TMEM117: variants seen among roughly 807,000 people sequenced by gnomAD.
TMEM117 encodes the protein transmembrane protein 117.
A neutral mutation model predicts 52.4 loss-of-function variants in TMEM117; 27 were observed. That is an observed-to-expected ratio of 0.51 (90% CI 0.38 to 0.71). The LOEUF is 0.71. TMEM117 is among the 30% of genes least tolerant of loss of function. The pLI, the probability that TMEM117 is intolerant of heterozygous loss-of-function variation, is 0.00. For synonymous variants in TMEM117, 215 were observed against 206.3 expected (o/e 1.04, Z -0.36); for missense variants, 556 against 630.5 (o/e 0.88, Z 1.26).
At chr12:43,970,451 G>A (rs1350793928) in intron 3 of TMEM117, among the ~76,000 whole-genome samples, 1 of 151,870 alleles carries the variant, frequency 6.6e-6, no homozygotes, top group Non-Finnish European at 1.5e-5. Context: ...ACCACACCTG[G>A]CTAATACTTT....
chr12:44,362,502 G>A (rs1951734086), intron 6 of TMEM117, among the ~76,000 whole-genome samples: 1 of 151,970 alleles, frequency 6.6e-6, no homozygotes, highest in Non-Finnish European at 1.5e-5. Context: ...TTAGTAGGGG[G>A]ACTGACACAA....
chr12:43,954,789 A>G (rs1424125052), intron 3 of TMEM117, among the ~76,000 whole-genome samples: 1 of 152,246 alleles, frequency 6.6e-6, no homozygotes, highest in Non-Finnish European at 1.5e-5. Flanking sequence ...TTATGAGGCC[A>G]GCATCATCCT....
chr12:44,041,245 T>TC (rs1946793557), intron 3 of TMEM117, among the ~76,000 whole-genome samples: 1 of 66,168 alleles, frequency 1.5e-5, no homozygotes, highest in South Asian at 6.2e-4. Context: ...CCCTCCCCCC[T>TC]CCCCCCACCC....
intron 2 of TMEM117, among the ~76,000 whole-genome samples, chr12:43,860,127 AC>A (rs1407062567): frequency 6.6e-6 from 1 of 152,126 alleles, no homozygotes; most frequent in Non-Finnish European, 1.5e-5. Context: ...GCACCCATCA[AC>A]CCATCACCTA....
intron 5 of TMEM117, among the ~76,000 whole-genome samples, chr12:44,261,256 C>T (rs1268198767): frequency 6.6e-6 from 1 of 151,758 alleles, no homozygotes; most frequent in African/African-American, 2.4e-5. Context: ...GATGAAGAAG[C>T]TAAGGCTCAG....
chr12:43,816,823 T>A, the TMEM117 span, among the ~76,000 whole-genome samples: 2 of 152,194 alleles, frequency 1.3e-5, no homozygotes, highest in African/African-American at 4.8e-5. Flanking sequence ...ACCCAAACTA[T>A]AATATGATGC....
chr12:44,347,579 A>G (rs1951504937), intron 6 of TMEM117, among the ~76,000 whole-genome samples: 1 of 152,082 alleles, frequency 6.6e-6, no homozygotes, highest in Non-Finnish European at 1.5e-5. Context: ...AAGATCATTT[A>G]TGAATTTTCT....
chr12:44,013,253 C>G (rs1262111413), intron 3 of TMEM117, among the ~76,000 whole-genome samples: 1 of 152,150 alleles, frequency 6.6e-6, no homozygotes, highest in Admixed American at 6.5e-5. Flanking sequence ...TGGTCTCGAA[C>G]TCCTGAGGTC....
intron 5 of TMEM117, among the ~76,000 whole-genome samples, chr12:44,273,291 A>G (rs1950472092): frequency 2.0e-5 from 3 of 152,160 alleles, no homozygotes; most frequent in African/African-American, 4.8e-5. Context: ...GGTGCAGCAC[A>G]CCAACATGGC....
chr12:44,236,800 C>T (rs750471872), intron 5 of TMEM117, among the ~76,000 whole-genome samples: 2 of 151,922 alleles, frequency 1.3e-5, no homozygotes, highest in African/African-American at 4.8e-5. Context: ...AATACAAGTT[C>T]AAGGCTTGAG....
In TMEM117 at chr12:44,389,044, A is replaced by T; in HGVS notation, c.*372A>T. The T allele has an allele frequency of 1.1e-5, 2 of 184,802 alleles. No homozygotes were observed. The highest frequency in any genetic ancestry group is 1.2e-5 in the Non-Finnish European group (1 of 86,206). The allele number at this position is 184,802 out of a possible 1,614,324, so 11.4% of individuals were successfully genotyped here. A position where few individuals can be genotyped will look rare whatever the true frequency, so the allele number is the denominator to read the frequency against. ...GAAGTGTGGAACAGTTACCTAACCT[A>T]TTTCACATGGGCGTTTTGTATACAA... On this transcript the variant is annotated 3_prime_UTR_variant, in exon 8 of 8. Transcript: ENST00000266534.
intron 2 of TMEM117, among the ~76,000 whole-genome samples, chr12:43,930,865 G>A (rs1293725962): frequency 6.6e-6 from 1 of 152,136 alleles, no homozygotes; most frequent in Admixed American, 6.5e-5. Flanking sequence ...TGGCCTCATT[G>A]CAGGAAGGAG....
intron 2 of TMEM117, among the ~76,000 whole-genome samples, chr12:43,900,199 T>G (rs7300018): frequency 6.6e-6 from 1 of 152,120 alleles, no homozygotes; most frequent in South Asian, 2.1e-4. Context: ...GCATATAGGG[T>G]TTTTTGGTTT....
At position 44,231,993 on chromosome 12, in the gene TMEM117, C is replaced by T. The variant is rs140864011; in HGVS notation, c.608+20606C>T. 2.0e-4 allele frequency among the ~76,000 whole-genome samples: 31 copies of T among 151,660 alleles called. 1 individual carries two copies. The East Asian group carries it at 5.8e-3, about 28-fold the overall frequency. ...GGTAAGTCATTAAACTTCTCCATGC[C>T]TCTTCTGTAAAAATGAGAATAGTAG... On this transcript the variant is annotated intron_variant, in intron 5 of 7. Coordinates refer to ENST00000266534, the MANE Select transcript of TMEM117 (RefSeq NM_032256.3).
At chr12:44,178,521 T>C (rs1422678637) in intron 4 of TMEM117, among the ~76,000 whole-genome samples, 1 of 152,216 alleles carries the variant, frequency 6.6e-6, no homozygotes, top group Non-Finnish European at 1.5e-5. Flanking sequence ...GATTGATATG[T>C]TAAACCTCAG....
rs187002866 is a variant in TMEM117 at position 44,311,341 on chromosome 12, A to G, written c.768+11602A>G. On this transcript the variant is annotated intron_variant, in intron 6 of 7. Transcript: ENST00000266534. The stretch of plus-strand genomic sequence containing the variant: ...ACAGCAGGAAATCAAGGAGGTACAT[A>G]TATCTCAGTTTTATAACAAAATAAA... Among the ~76,000 whole-genome samples the G allele has an allele frequency of 2.2e-3, 329 of 152,322 alleles. 1 individual carries two copies. The highest frequency in any genetic ancestry group is 3.7e-3 in the Non-Finnish European group (253 of 68,026).
chr12:44,132,682 G>C (rs1948433577), intron 3 of TMEM117, among the ~76,000 whole-genome samples: 1 of 152,046 alleles, frequency 6.6e-6, no homozygotes, highest in Non-Finnish European at 1.5e-5. Context: ...CTCATGTTCT[G>C]TCATTTCTTC....
intron 6 of TMEM117, among the ~76,000 whole-genome samples, chr12:44,308,316 T>C (rs531848345): frequency 6.6e-6 from 1 of 152,294 alleles, no homozygotes; most frequent in East Asian, 1.9e-4. Context: ...ATGAATGTGC[T>C]TTTTCTTATA....
At chr12:44,190,831 A>AT (rs1041913155) in intron 4 of TMEM117, among the ~76,000 whole-genome samples, 20 of 150,530 alleles carry the variant, frequency 1.3e-4, no homozygotes, top group African/African-American at 4.4e-4. Flanking sequence ...GTTTTACTTG[A>AT]TAAACTGTAT....
Sources: gnomAD v4.1 joint callset for allele counts (sites outside exome capture counted in the v4.1 genomes callset) on GRCh38, gnomAD v4.1.1 for gene constraint, MANE v1.5 for transcripts, NCBI Gene and HGNC (gene_info 2026-07-23, HGNC 2026-07-21) for gene names.